Variants in GLRA2 observed in about 807,000 individuals in gnomAD.
The protein encoded by GLRA2 is glycine receptor alpha 2.
GLRA2 carries 11 observed loss-of-function variants against 31.6 expected under a neutral mutation model. That is an observed-to-expected ratio of 0.35 (90% CI 0.22 to 0.58). GLRA2 has a LOEUF of 0.58. Ranked by LOEUF, GLRA2 falls within the 20% of genes least tolerant of loss-of-function variation. GLRA2 has a pLI of 0.84. For synonymous variants in GLRA2, 132 were observed against 134.0 expected, an observed-to-expected ratio of 0.99 and a Z score of 0.10; for missense variants, 212 against 351.8, an observed-to-expected ratio of 0.60 and a Z score of 3.18.
chrX:14,466,936 A>G, the GLRA2 span, among the ~76,000 whole-genome samples: 28 of 111,693 alleles, frequency 2.5e-4, no homozygotes, highest in East Asian at 7.6e-3. Flanking sequence ...CACATGGGGA[A>G]ATGAAAGGGT....
chrX:14,552,159 G>T (rs368919368), intron 2 of GLRA2, among the ~76,000 whole-genome samples: 1 of 111,936 alleles, frequency 8.9e-6, no homozygotes, highest in East Asian at 2.8e-4. Context: ...CTCAGCAAAT[G>T]AAATAACAGA....
At chrX:14,452,521 A>G in the GLRA2 span, among the ~76,000 whole-genome samples, 1 of 112,611 alleles carries the variant, frequency 8.9e-6, no homozygotes, top group Non-Finnish European at 1.9e-5. Flanking sequence ...ATGCACACAT[A>G]ATCAAAGCAT....
rs533853001 is a variant in GLRA2 at position 14,550,664 on chromosome X, C to A, written c.202+18292C>A. Among the ~76,000 whole-genome samples the A allele has an allele frequency of 5.7e-4, 63 of 110,895 alleles. 1 individual carries two copies. The highest frequency in any genetic ancestry group is 9.3e-3 in the Middle Eastern group (2 of 214). ...CCATCTTTGCCGCCAGGACAGACCA[C>A]AAAGATTCAAAAAGCATTTAAAAAT... is the stretch of plus-strand genomic sequence containing the variant. On this transcript the variant is annotated intron_variant, in intron 2 of 8. Transcript: ENST00000218075.
chrX:14,612,627 T>A (rs568649437), intron 7 of GLRA2, among the ~76,000 whole-genome samples: 1 of 111,259 alleles, frequency 9.0e-6, no homozygotes, highest in Non-Finnish European at 1.9e-5. Flanking sequence ...ATATACACCA[T>A]GGAATACTAT....
intron 7 of GLRA2, among the ~76,000 whole-genome samples, chrX:14,685,275 C>A (rs1253296676): frequency 9.0e-6 from 1 of 111,268 alleles, no homozygotes; most frequent in Non-Finnish European, 1.9e-5. Context: ...GTCTAAAATT[C>A]TCTTTTTTTG....
At chrX:14,521,406 T>C in the GLRA2 span, among the ~76,000 whole-genome samples, 2 of 111,989 alleles carry the variant, frequency 1.8e-5, no homozygotes, top group African/African-American at 3.2e-5. Flanking sequence ...TCTCCTTTCA[T>C]TGAACATCAG....
At chrX:14,477,766 T>C in the GLRA2 span, among the ~76,000 whole-genome samples, 1 of 111,074 alleles carries the variant, frequency 9.0e-6, no homozygotes, top group Non-Finnish European at 1.9e-5. Flanking sequence ...CCGAAAGTAA[T>C]GCATTCAGAT....
At chrX:14,501,142 T>C in the GLRA2 span, among the ~76,000 whole-genome samples, 1 of 110,166 alleles carries the variant, frequency 9.1e-6, no homozygotes. Flanking sequence ...AGAATCTCCC[T>C]CTCAGCATTT....
intron 4 of GLRA2, among the ~76,000 whole-genome samples, chrX:14,596,028 C>G (rs749627663): frequency 1.5e-4 from 17 of 111,585 alleles, no homozygotes; most frequent in African/African-American, 3.9e-4. Flanking sequence ...TCCTGCTTAA[C>G]ACCAATCCCT....
At chrX:14,476,210 C>A in the GLRA2 span, among the ~76,000 whole-genome samples, 1 of 112,411 alleles carries the variant, frequency 8.9e-6, no homozygotes. Flanking sequence ...TAAGGAAATT[C>A]TCAAGTTTCC....
chrX:14,625,983 C>A (rs1416274296), intron 7 of GLRA2, among the ~76,000 whole-genome samples: 1 of 111,862 alleles, frequency 8.9e-6, no homozygotes, highest in African/African-American at 3.2e-5. Flanking sequence ...GATCTCGAAC[C>A]CAGGCAGTCT....
chrX:14,677,237 G>A (rs997545014), intron 7 of GLRA2, among the ~76,000 whole-genome samples: 3 of 109,548 alleles, frequency 2.7e-5, no homozygotes, highest in Admixed American at 2.0e-4. Context: ...TTTATATAAA[G>A]CAATAATTGT....
chrX:14,546,003 T>C (rs758434360), intron 2 of GLRA2, among the ~76,000 whole-genome samples: 8 of 111,528 alleles, frequency 7.2e-5, no homozygotes, highest in Non-Finnish European at 1.1e-4. Flanking sequence ...AAAATTTCAC[T>C]TTTTTCAGAG....
intron 7 of GLRA2, among the ~76,000 whole-genome samples, chrX:14,618,294 G>T (rs913527034): frequency 1.8e-5 from 2 of 111,383 alleles, no homozygotes; most frequent in African/African-American, 6.5e-5. Flanking sequence ...ACACCAATTT[G>T]AGCACTCACT....
rs938018272 is a variant in GLRA2 at position 14,642,510 on chromosome X, C to T, written c.930+33305C>T. ...GTCATTGGATTTCAGAAGGGAATCA[C>T]ATCCTTTATCAATCTATGCCATCAA... On this transcript the variant is annotated intron_variant, in intron 7 of 8. Coordinates refer to ENST00000218075, the MANE Select transcript of GLRA2 (RefSeq NM_002063.4). Among the ~76,000 whole-genome samples the T allele has an allele frequency of 5.4e-5, 6 of 111,334 alleles. No homozygotes were observed. In the East Asian group the frequency reaches 1.7e-3, roughly 31 times the overall value.
the GLRA2 span, among the ~76,000 whole-genome samples, chrX:14,467,604 C>G: frequency 1.8e-5 from 2 of 111,876 alleles, no homozygotes; most frequent in South Asian, 7.5e-4. Flanking sequence ...TTATTACCAC[C>G]AGGAAAAACA....
chrX:14,606,173 AC>A (rs1337867296), intron 5 of GLRA2, among the ~76,000 whole-genome samples: 5 of 106,953 alleles, frequency 4.7e-5, no homozygotes, highest in East Asian at 2.9e-4. Flanking sequence ...AAAAAAAAAA[AC>A]ATGCTGAGGA....
chrX:14,730,495 A>G lies in GLRA2; in HGVS notation c.*10A>G. The G allele has an allele frequency of 8.5e-7, 1 of 1,175,101 alleles. No homozygotes were observed. Among genetic ancestry groups the G allele is most frequent in the Non-Finnish European group, 1.2e-6 (1 of 866,646 alleles). ...TGTCCACAAGAAATAGATGTGCCCT[A>G]CAGACCCTGGGACCTTCTTGCCTCA... On this transcript the variant is annotated 3_prime_UTR_variant, in exon 9 of 9. Coordinates refer to ENST00000218075, the MANE Select transcript of GLRA2 (RefSeq NM_002063.4).
chrX:14,649,549 C>G (rs1038574527), intron 7 of GLRA2, among the ~76,000 whole-genome samples: 4 of 111,744 alleles, frequency 3.6e-5, no homozygotes, highest in Non-Finnish European at 7.5e-5. Flanking sequence ...AATGCAGATA[C>G]AGTACATCTA....
Sources: gnomAD v4.1 joint callset for allele counts (sites outside exome capture counted in the v4.1 genomes callset) on GRCh38, gnomAD v4.1.1 for gene constraint, MANE v1.5 for transcripts, NCBI Gene and HGNC (gene_info 2026-07-23, HGNC 2026-07-21) for gene names.